Variants in SCG5 observed in about 807,000 individuals in gnomAD.
SCG5 encodes secretogranin V.
A neutral mutation model predicts 25.7 loss-of-function variants in SCG5; 18 were observed. The ratio of observed to expected loss-of-function variants is 0.70; its 90% confidence interval spans 0.48 to 1.04. The LOEUF (loss-of-function observed/expected upper bound fraction) is 1.04. Ranked by LOEUF, SCG5 falls within the 50% of genes least tolerant of loss-of-function variation. SCG5 has a pLI of 0.00. For missense variants in SCG5, 206 were observed against 259.8 expected (o/e 0.79, Z 1.42); for synonymous variants, 101 against 91.7 (o/e 1.10, Z -0.58).
intron 2 of SCG5, among the ~76,000 whole-genome samples, chr15:32,675,251 G>T (rs2054510821): frequency 6.6e-6 from 1 of 152,184 alleles, no homozygotes; most frequent in Non-Finnish European, 1.5e-5. Context: ...GTAAGTGAAA[G>T]ATCCTATCTT....
intron 2 of SCG5, among the ~76,000 whole-genome samples, chr15:32,654,723 A>T (rs2054086836): frequency 2.0e-5 from 3 of 152,146 alleles, no homozygotes; most frequent in Admixed American, 2.0e-4. Context: ...AGATTTGCAA[A>T]TGCGCACACA....
intron 2 of SCG5, among the ~76,000 whole-genome samples, chr15:32,644,875 T>C (rs762697176): frequency 6.6e-6 from 1 of 152,240 alleles, no homozygotes; most frequent in Non-Finnish European, 1.5e-5. Context: ...AAAAATGCTA[T>C]CTGCCCTAGG....
At chr15:32,679,987 C>A in intron 3 of SCG5, 72 bp downstream of exon 3, 3 of 1,334,478 alleles carry the variant, frequency 2.2e-6, no homozygotes, top group Non-Finnish European at 3.1e-6. Flanking sequence ...CTAACATCAG[C>A]TACAAATATT....
chr15:32,649,055 CT>C lies in SCG5; in HGVS notation c.226+5246del, dbSNP rs140833950. Among the ~76,000 whole-genome samples, 6 of 151,522 alleles carry C rather than the reference CT, an allele frequency of 4.0e-5. 1 individual carries two copies. Among genetic ancestry groups the C allele is most frequent in the Non-Finnish European group, 5.9e-5 (4 of 67,860 alleles). ...ACAGGCGTGAGCCGCCATGTCCAGC[CT>C]TTTTTTTTAAAGCTCCATAGCATTT... is the stretch of plus-strand genomic sequence containing the variant. On this transcript the variant is annotated intron_variant, in intron 2 of 5. Transcript: ENST00000300175.
intron 2 of SCG5, among the ~76,000 whole-genome samples, chr15:32,677,122 T>C (rs1027477034): frequency 2.0e-5 from 3 of 152,236 alleles, no homozygotes; most frequent in African/African-American, 7.2e-5. Context: ...AATAGCATTT[T>C]TTTTAAATGC....
intron 2 of SCG5, chr15:32,656,244 CAG>C (rs1353097038): frequency 2.0e-5 from 3 of 152,148 alleles, no homozygotes; most frequent in Non-Finnish European, 4.4e-5. Context: ...GTTCAAAACT[CAG>C]AGTGTTCAAG....
chr15:32,686,794 C>T (rs2054720368), intron 4 of SCG5, among the ~76,000 whole-genome samples: 1 of 152,170 alleles, frequency 6.6e-6, no homozygotes, highest in Admixed American at 6.5e-5. Context: ...TGCTGGTCTT[C>T]AGAGAGCTTA....
chr15:32,673,715 G>T (rs764157590), intron 2 of SCG5, among the ~76,000 whole-genome samples: 2 of 152,092 alleles, frequency 1.3e-5, no homozygotes, highest in East Asian at 1.9e-4. Flanking sequence ...ATTGCATCTG[G>T]GACCATTTAA....
intron 4 of SCG5, among the ~76,000 whole-genome samples, chr15:32,686,791 C>G (rs913932217): frequency 3.9e-5 from 6 of 152,170 alleles, no homozygotes; most frequent in Non-Finnish European, 7.3e-5. Flanking sequence ...TGGTGCTGGT[C>G]TTCAGAGAGC....
In SCG5 at chr15:32,663,080, A is replaced by T. The variant is rs566152179; in HGVS notation, c.227-16686A>T. Among the ~76,000 whole-genome samples, 352 of 77,550 alleles carry T rather than the reference A, an allele frequency of 4.5e-3. 5 individuals are homozygous for T. The highest frequency in any genetic ancestry group is 0.015 in the African/African-American group (331 of 22,322). The allele number at this position is 77,550 out of a possible 152,430, so 50.9% of individuals were successfully genotyped here. Reference sequence around the variant, plus strand: ...ATATATATATATATATATATATATAATATATAATATGTTATATATACACAT... The same window carrying T: ...ATATATATATATATATATATATATATTATATAATATGTTATATATACACAT... On this transcript the variant is annotated intron_variant, in intron 2 of 5. Coordinates refer to ENST00000300175, the MANE Select transcript of SCG5 (RefSeq NM_001144757.3).
chr15:32,668,748 C>T lies in SCG5; in HGVS notation c.227-11018C>T, dbSNP rs371698205. Reference sequence around the variant, plus strand: ...CCATCAGAGAGCTTTGGGTCTGGGGCGGAGGGTCACCTCCACTCTCACGGT... The same window carrying T: ...CCATCAGAGAGCTTTGGGTCTGGGGTGGAGGGTCACCTCCACTCTCACGGT... On this transcript the variant is annotated intron_variant, in intron 2 of 5. Transcript: ENST00000300175. 2.3e-4 allele frequency among the ~76,000 whole-genome samples: 35 copies of T among 152,298 alleles called. No individual in the cohort carries two copies. The South Asian group carries it at 5.2e-3, about 23-fold the overall frequency.
intron 2 of SCG5, among the ~76,000 whole-genome samples, chr15:32,660,916 G>T (rs2054205755): frequency 6.6e-6 from 1 of 152,160 alleles, no homozygotes; most frequent in Admixed American, 6.5e-5. Flanking sequence ...ATTATATTTG[G>T]AATGGATAAT....
chr15:32,663,269 G>T (rs1318791499), intron 2 of SCG5, among the ~76,000 whole-genome samples: 1 of 151,508 alleles, frequency 6.6e-6, no homozygotes, highest in Non-Finnish European at 1.5e-5. Context: ...TGCCCCAAAA[G>T]AAACTCCATT....
rs1401047581 is a variant in SCG5 at position 32,691,758 on chromosome 15, C to T, written c.538C>T (p.Arg180Trp). ...GATGAAGGGAGGAGAGAGACGAAAG[C>T]GGAGGGTAACACGTGCCTGGCTGGA... is the stretch of plus-strand genomic sequence containing the variant. ...EKMKGGERRKRRSVNPYLQGQ... is the reference protein window; with the variant it reads ...EKMKGGERRKWRSVNPYLQGQ... The change falls in exon 5 of 6, where the codon CGG (arginine) becomes TGG (tryptophan). Residue 180 changes from arginine to tryptophan, a missense_variant. Arg to Trp is a moderately radical substitution (Grantham distance 101). Transcript: ENST00000300175. 2.5e-6 allele frequency: 4 copies of T among 1,612,168 alleles called. No individual in the cohort carries two copies. The highest frequency in any genetic ancestry group is 2.2e-5 in the East Asian group (1 of 44,860).
chr15:32,696,607 T>A lies in SCG5; in HGVS notation c.637T>A (p.Ter213LysextTer35). The A allele has an allele frequency of 6.2e-7, 1 of 1,608,638 alleles. No homozygotes were observed. Among genetic ancestry groups the A allele is most frequent in the South Asian group, 1.1e-5 (1 of 90,362 alleles). ...TTCAGATGAGGATAAGGATCCAGAG[T>A]AAAGAGAAGATGCTAGACGAAAACC... is the stretch of plus-strand genomic sequence containing the variant. ...HFSDEDKDPE* is the reference protein window; with the variant it reads ...HFSDEDKDPEK The change falls in exon 6 of 6, where the codon TAA (stop) becomes AAA (lysine). Residue 213 changes from the stop codon to lysine, a stop_lost. Transcript: ENST00000300175.
intron 2 of SCG5, among the ~76,000 whole-genome samples, chr15:32,657,741 A>G (rs923183800): frequency 1.1e-4 from 16 of 152,204 alleles, no homozygotes; most frequent in Non-Finnish European, 2.1e-4. Context: ...CTATCAAAAT[A>G]TTATCTAATA....
At chr15:32,684,056 C>T (rs1160250938) in intron 3 of SCG5, among the ~76,000 whole-genome samples, 7 of 152,190 alleles carry the variant, frequency 4.6e-5, no homozygotes, top group Non-Finnish European at 8.8e-5. Flanking sequence ...GTGGATGGTT[C>T]GGCACCCCAG....
At position 32,684,638 on chromosome 15, in the gene SCG5, C is replaced by T. The variant is rs202071901; in HGVS notation, c.458C>T (p.Pro153Leu). 1.4e-4 allele frequency: 227 copies of T among 1,613,494 alleles called. No individual in the cohort carries two copies. The highest frequency in any genetic ancestry group is 1.6e-4 in the Middle Eastern group (1 of 6,062). ...CAGTTGCACCAGCATCTCTTTGATCCGGAACATGACTATCCAGGCTTGGGC... is the reference window on the plus strand; with the variant it reads ...CAGTTGCACCAGCATCTCTTTGATCTGGAACATGACTATCCAGGCTTGGGC... Reference protein sequence around the residue: ...EFQLHQHLFDPEHDYPGLGKW... With the variant: ...EFQLHQHLFDLEHDYPGLGKW... Residue 153 changes from proline (P) to leucine (L), a missense_variant, in exon 4 of 6, where the codon CCG (proline) becomes CTG (leucine). Pro to Leu is a moderately conservative substitution (Grantham distance 98, BLOSUM62 -3). Transcript: ENST00000300175.
intron 5 of SCG5, among the ~76,000 whole-genome samples, chr15:32,694,713 G>A (rs4779583): frequency 0.96 from 145,853 of 152,388 alleles, 69,910 homozygotes; most frequent in East Asian, 0.99. Flanking sequence ...CACTTTTCAA[G>A]TGTCTGAGGA....
Sources: allele counts gnomAD v4.1 joint callset (sites outside exome capture counted in the v4.1 genomes callset), GRCh38; gene constraint gnomAD v4.1.1; transcripts MANE v1.5; gene names NCBI Gene and HGNC (gene_info 2026-07-23, HGNC 2026-07-21).